GRID1: variants seen among roughly 807,000 people sequenced by gnomAD.
The protein encoded by GRID1 is glutamate ionotropic receptor delta type subunit 1.
In GRID1, 28 loss-of-function variants were observed where a neutral mutation model predicts 98.0. The ratio of observed to expected loss-of-function variants is 0.29; its 90% CI spans 0.21 to 0.39. The LOEUF is 0.39. Ranked by LOEUF, GRID1 falls within the 10% of genes least tolerant of loss-of-function variation. The probability of loss-of-function intolerance (pLI) is 1.00; values close to 1 mark genes in which losing one functional copy is unlikely to be tolerated. For missense variants in GRID1, 1,111 were observed against 1,340.5 expected (o/e 0.83, Z 2.67); for synonymous variants, 553 against 538.5 (o/e 1.03, Z -0.37).
chr10:85,857,586 A>G (rs1191041906), intron 6 of GRID1, among the ~76,000 whole-genome samples: 1 of 152,110 alleles, frequency 6.6e-6, no homozygotes, highest in Non-Finnish European at 1.5e-5. Context: ...GGTAGCGTCC[A>G]CCCTCAGTCA....
At chr10:86,316,713 AT>A (rs199758461) in intron 2 of GRID1, among the ~76,000 whole-genome samples, 18,624 of 152,290 alleles carry the variant, frequency 0.12, 1,931 homozygotes, top group East Asian at 0.49. Flanking sequence ...CCAGCCTTGC[AT>A]CCTCCGAGGT....
chr10:86,267,113 A>G (rs1281492924), intron 2 of GRID1, among the ~76,000 whole-genome samples: 2 of 152,246 alleles, frequency 1.3e-5, no homozygotes, highest in Admixed American at 6.5e-5. Context: ...GACAGCCACA[A>G]ACATGTATTA....
chr10:85,809,397 A>T (rs1842650937), intron 8 of GRID1, among the ~76,000 whole-genome samples: 1 of 152,216 alleles, frequency 6.6e-6, no homozygotes, highest in African/African-American at 2.4e-5. Flanking sequence ...ACTTAAACAC[A>T]TTATAGTCAT....
chr10:86,243,903 C>T (rs934966595), intron 2 of GRID1, among the ~76,000 whole-genome samples: 3 of 152,232 alleles, frequency 2.0e-5, no homozygotes, highest in Non-Finnish European at 2.9e-5. Flanking sequence ...TCCTCGCCAC[C>T]ATCTCTGCAC....
chr10:86,250,392 T>G (rs1358225732), intron 2 of GRID1, among the ~76,000 whole-genome samples: 1 of 152,198 alleles, frequency 6.6e-6, no homozygotes, highest in Non-Finnish European at 1.5e-5. Context: ...CAGGTCTTCT[T>G]GGAAGAAGAG....
intron 12 of GRID1, among the ~76,000 whole-genome samples, chr10:85,702,901 G>A (rs1264087100): frequency 6.6e-6 from 1 of 150,986 alleles, no homozygotes; most frequent in Non-Finnish European, 1.5e-5. Flanking sequence ...GGAGGAAGAC[G>A]GTGAAAAGGA....
In GRID1 at chr10:85,775,279, G is replaced by A. The variant is rs1474393729; in HGVS notation, c.1234-45665C>T. On this transcript the variant is annotated intron_variant, in intron 8 of 15. Coordinates refer to ENST00000327946, the MANE Select transcript of GRID1 (RefSeq NM_017551.3). Reference sequence around the variant, plus strand: ...CTCATAGGTGGGAATTGAACAATGAGAACACATGGACACAGGAAGGGGAAC... The same window carrying A: ...CTCATAGGTGGGAATTGAACAATGAAAACACATGGACACAGGAAGGGGAAC... Among the ~76,000 whole-genome samples the A allele has an allele frequency of 4.3e-5, 6 of 139,820 alleles. No homozygotes were observed. In the South Asian group the frequency reaches 1.5e-3, roughly 34 times the overall value. The allele number at this position is 139,820 out of a possible 152,430, so 91.7% of individuals were successfully genotyped here.
intron 4 of GRID1, among the ~76,000 whole-genome samples, chr10:85,948,101 A>G (rs772673276): frequency 1.3e-5 from 2 of 152,224 alleles, no homozygotes; most frequent in Non-Finnish European, 2.9e-5. Flanking sequence ...AAATTCAAAT[A>G]AAGTCTTGGG....
chr10:85,907,500 C>T (rs535397930), intron 5 of GRID1, among the ~76,000 whole-genome samples: 3 of 152,282 alleles, frequency 2.0e-5, no homozygotes, highest in Admixed American at 6.5e-5. Flanking sequence ...AAATAGATAG[C>T]TCTATCTCTA....
intron 8 of GRID1, among the ~76,000 whole-genome samples, chr10:85,752,223 A>G (rs1379764171): frequency 6.6e-6 from 1 of 152,158 alleles, no homozygotes; most frequent in Admixed American, 6.5e-5. Context: ...CCCTGAGTTC[A>G]CAGTCTTGGA....
At chr10:86,324,855 C>T (rs1848025169) in intron 2 of GRID1, among the ~76,000 whole-genome samples, 1 of 150,960 alleles carries the variant, frequency 6.6e-6, no homozygotes, top group African/African-American at 2.4e-5. Context: ...ACAAAACAAA[C>T]ACCCAGGAAG....
At chr10:85,890,351 C>G (rs1432653373) in intron 5 of GRID1, among the ~76,000 whole-genome samples, 1 of 151,890 alleles carries the variant, frequency 6.6e-6, no homozygotes, top group Non-Finnish European at 1.5e-5. Flanking sequence ...TGCTCATTAC[C>G]CTGATTTGAT....
intron 8 of GRID1, among the ~76,000 whole-genome samples, chr10:85,739,233 A>G (rs1043870273): frequency 6.6e-6 from 1 of 152,182 alleles, no homozygotes; most frequent in Non-Finnish European, 1.5e-5. Flanking sequence ...CTAACCTGTC[A>G]CATGACTAAA....
intron 2 of GRID1, among the ~76,000 whole-genome samples, chr10:86,255,755 TG>T (rs888153225): frequency 7.9e-5 from 12 of 152,188 alleles, no homozygotes; most frequent in African/African-American, 1.2e-4. Flanking sequence ...GCTAGAGAGA[TG>T]GCTGCGTGCA....
intron 2 of GRID1, among the ~76,000 whole-genome samples, chr10:86,347,412 A>G (rs1054635285): frequency 6.6e-5 from 10 of 152,190 alleles, no homozygotes; most frequent in Admixed American, 6.5e-4. Flanking sequence ...CAGTCTGACA[A>G]TCAGGGTGTT....
At chr10:85,919,324 T>G (rs537012476) in intron 4 of GRID1, among the ~76,000 whole-genome samples, 2 of 152,244 alleles carry the variant, frequency 1.3e-5, no homozygotes, top group African/African-American at 4.8e-5. Context: ...TGGTCAACTT[T>G]TCTGTCCTAC....
chr10:85,757,440 T>C (rs927936459), intron 8 of GRID1, among the ~76,000 whole-genome samples: 6 of 152,208 alleles, frequency 3.9e-5, no homozygotes, highest in Non-Finnish European at 4.4e-5. Flanking sequence ...TTCTGGGAGT[T>C]GGCATGCACA....
At chr10:85,889,585 T>C (rs1217039513) in intron 5 of GRID1, among the ~76,000 whole-genome samples, 4 of 152,216 alleles carry the variant, frequency 2.6e-5, no homozygotes, top group Admixed American at 2.6e-4. Context: ...ATTCATCTGT[T>C]GATGGACACT....
intron 4 of GRID1, among the ~76,000 whole-genome samples, chr10:86,104,699 C>T (rs950101172): frequency 3.3e-5 from 5 of 152,242 alleles, no homozygotes; most frequent in Non-Finnish European, 7.3e-5. Context: ...ACCCTCCAGG[C>T]CCTCAGGACC....
Sources: gnomAD v4.1 joint callset for allele counts (sites outside exome capture counted in the v4.1 genomes callset) on GRCh38, gnomAD v4.1.1 for gene constraint, MANE v1.5 for transcripts, NCBI Gene and HGNC (gene_info 2026-07-23, HGNC 2026-07-21) for gene names.